Variants in DDR2 observed in about 807,000 individuals in gnomAD.
DDR2 encodes the protein discoidin domain receptor tyrosine kinase 2.
DDR2 carries 27 observed loss-of-function variants against 94.9 expected under a neutral mutation model. That is an observed-to-expected ratio of 0.28 (90% confidence interval 0.21 to 0.39). The LOEUF (loss-of-function observed/expected upper bound fraction) is 0.39, where lower values mean the gene tolerates loss of function less well. Ranked by LOEUF, DDR2 falls within the 10% of genes least tolerant of loss-of-function variation. The probability of loss-of-function intolerance (pLI) is 1.00; values close to 1 mark genes in which losing one functional copy is unlikely to be tolerated. For missense variants in DDR2, 783 were observed against 1,076.0 expected (o/e 0.73, Z 3.81); for synonymous variants, 382 against 377.2 (o/e 1.01, Z -0.15).
At chr1:162,649,253 A>G (rs1485002195) in intron 1 of DDR2, among the ~76,000 whole-genome samples, 1 of 152,160 alleles carries the variant, frequency 6.6e-6, no homozygotes, top group East Asian at 1.9e-4. Context: ...TTGACTATCC[A>G]AGAGAGGGCG....
intron 2 of DDR2, among the ~76,000 whole-genome samples, chr1:162,658,211 T>C (rs1234509020): frequency 6.6e-6 from 1 of 152,204 alleles, no homozygotes; most frequent in Non-Finnish European, 1.5e-5. Context: ...GTTTTATGTA[T>C]TCTGCTGTGC....
intron 7 of DDR2, among the ~76,000 whole-genome samples, chr1:162,757,195 G>C (rs1413582921): frequency 6.6e-6 from 1 of 152,214 alleles, no homozygotes; most frequent in Non-Finnish European, 1.5e-5. Flanking sequence ...CAAGGCTTAA[G>C]GGATTAAAAT....
At position 162,772,238 on chromosome 1, in the gene DDR2, G is replaced by A. The variant is rs2102186685; in HGVS notation, c.1719G>A (p.Gln573=). The stretch of plus-strand genomic sequence containing the variant: ...TCAAAGAGAAGCTGGGAGAAGGACA[G>A]TTTGGGGAGGTGAGTTGATTCTTTG... The part of the protein sequence containing the change: ...LTFKEKLGEG[Q]FGEVHLCEVE... The change falls in exon 13 of 18, where the codon CAG becomes CAA. Residue 573 remains glutamine, a synonymous_variant. Transcript: ENST00000367921. 1.9e-6 allele frequency: 3 copies of A among 1,614,180 alleles called. No homozygotes were observed. Among genetic ancestry groups the A allele is most frequent in the Non-Finnish European group, 1.7e-6 (2 of 1,180,018 alleles).
At chr1:162,775,620 T>C (rs2102194959) in intron 14 of DDR2, 32 bp from the exon 15 acceptor site, 2 of 1,612,340 alleles carry the variant, frequency 1.2e-6, no homozygotes, top group African/African-American at 1.3e-5. Flanking sequence ...TCTGGCAACT[T>C]CTGAGTTTAT....
intron 1 of DDR2, among the ~76,000 whole-genome samples, chr1:162,654,154 A>C (rs1009178242): frequency 6.6e-6 from 1 of 152,144 alleles, no homozygotes; most frequent in Admixed American, 6.6e-5. Context: ...AAAACTATGC[A>C]TCTCAAGGCA....
At chr1:162,764,408 A>AG (rs567876561) in intron 9 of DDR2, among the ~76,000 whole-genome samples, 249 of 151,690 alleles carry the variant, frequency 1.6e-3, no homozygotes, top group Middle Eastern at 3.4e-3. Context: ...AAAAAAAAAA[A>AG]AAAGAAATGT....
intron 2 of DDR2, among the ~76,000 whole-genome samples, chr1:162,663,771 C>T (rs938823096): frequency 3.3e-5 from 5 of 152,102 alleles, no homozygotes; most frequent in African/African-American, 1.2e-4. Context: ...CTGGGAAGAC[C>T]GGTGTCTAGC....
chr1:162,746,912 G>A (rs895960942), intron 3 of DDR2, among the ~76,000 whole-genome samples: 2 of 152,242 alleles, frequency 1.3e-5, no homozygotes, highest in African/African-American at 2.4e-5. Context: ...CAACAGACCT[G>A]CAGATGAGGG....
intron 2 of DDR2, among the ~76,000 whole-genome samples, chr1:162,657,588 A>T (rs1379626169): frequency 2.0e-5 from 3 of 152,144 alleles, no homozygotes; most frequent in Non-Finnish European, 4.4e-5. Context: ...TTGGAGATTG[A>T]ACTCCTGAAT....
At chr1:162,717,104 C>T (rs982366339) in intron 2 of DDR2, among the ~76,000 whole-genome samples, 6 of 151,366 alleles carry the variant, frequency 4.0e-5, no homozygotes, top group Non-Finnish European at 5.9e-5. Flanking sequence ...GGCACAATCT[C>T]GGCTCACTGC....
chr1:162,642,355 C>A (rs766887029), intron 1 of DDR2, among the ~76,000 whole-genome samples: 1 of 151,796 alleles, frequency 6.6e-6, no homozygotes, highest in African/African-American at 2.4e-5. Context: ...TCACCACAAC[C>A]TCCACCTCCC....
Position 162,669,927 on chromosome 1 carries a change from G to A in DDR2, c.-28+14553G>A, listed in dbSNP as rs192930997. The stretch of plus-strand genomic sequence containing the variant: ...GGCCAGCAAGGGCTGCTAGCACAAA[G>A]TGAAGGGCCCTGCTGTGATGAACAG... On this transcript the variant is annotated intron_variant, in intron 2 of 17. Coordinates refer to ENST00000367921, the MANE Select transcript of DDR2 (RefSeq NM_006182.4). 1.6e-3 allele frequency among the ~76,000 whole-genome samples: 251 copies of A among 152,356 alleles called. 3 individuals carry two copies. The highest frequency in any genetic ancestry group is 5.8e-3 in the African/African-American group (243 of 41,582).
At chr1:162,691,333 G>A (rs1659953349) in intron 2 of DDR2, among the ~76,000 whole-genome samples, 1 of 152,144 alleles carries the variant, frequency 6.6e-6, no homozygotes, top group Non-Finnish European at 1.5e-5. Context: ...GCATTGCCTG[G>A]TGTTCTTTAA....
intron 3 of DDR2, among the ~76,000 whole-genome samples, chr1:162,724,690 G>A (rs1249803361): frequency 1.3e-5 from 2 of 152,148 alleles, no homozygotes; most frequent in Non-Finnish European, 2.9e-5. Context: ...ATCTGTTAAC[G>A]AGAAGGTGAT....
At chr1:162,648,363 C>T (rs1272165115) in intron 1 of DDR2, among the ~76,000 whole-genome samples, 1 of 152,134 alleles carries the variant, frequency 6.6e-6, no homozygotes, top group Admixed American at 6.5e-5. Flanking sequence ...GTTCAGTTAA[C>T]AGTGAGGACA....
chr1:162,669,578 A>T (rs1180775023), intron 2 of DDR2, among the ~76,000 whole-genome samples: 1 of 152,228 alleles, frequency 6.6e-6, no homozygotes, highest in Non-Finnish European at 1.5e-5. Flanking sequence ...AACATTAGTT[A>T]TTTTAATTAT....
At chr1:162,710,207 G>A (rs9943102) in intron 2 of DDR2, among the ~76,000 whole-genome samples, 149,596 of 152,308 alleles carry the variant, frequency 0.98, 73,525 homozygotes, top group East Asian at 1. Flanking sequence ...TTTACAGAAG[G>A]AAAGGCTGAG....
chr1:162,680,582 T>C (rs1462475126), intron 2 of DDR2, among the ~76,000 whole-genome samples: 1 of 152,232 alleles, frequency 6.6e-6, no homozygotes, highest in Admixed American at 6.5e-5. Flanking sequence ...TGATACCTCC[T>C]GGTTTGTTCA....
chr1:162,637,027 A>T (rs1571125184), intron 1 of DDR2, among the ~76,000 whole-genome samples: 1 of 152,162 alleles, frequency 6.6e-6, no homozygotes, highest in South Asian at 2.1e-4. Context: ...ATCTATTAAA[A>T]ATATCATAGC....
Sources: allele counts gnomAD v4.1 joint callset (sites outside exome capture counted in the v4.1 genomes callset), GRCh38; gene constraint gnomAD v4.1.1; transcripts MANE v1.5; gene names NCBI Gene and HGNC (gene_info 2026-07-23, HGNC 2026-07-21).